Variants in RIT2 observed in about 807,000 individuals in gnomAD.
The protein encoded by RIT2 is Ras like without CAAX 2, also known as GTP-binding protein Rit2.
RIT2 carries 24 observed loss-of-function variants against 23.7 expected under a neutral mutation model. The ratio of observed to expected loss-of-function variants is 1.01; its 90% CI spans 0.73 to 1.43. The LOEUF (loss-of-function observed/expected upper bound fraction) is 1.43, where lower values mean the gene tolerates loss of function less well. Among genes scored for constraint, RIT2 ranks in the 40% most tolerant of loss-of-function variants. RIT2 has a pLI of 0.00. For synonymous variants in RIT2, 107 were observed against 91.1 expected, an observed-to-expected ratio of 1.17 and a Z score of -0.99; for missense variants, 236 against 266.9, an observed-to-expected ratio of 0.88 and a Z score of 0.81.
At chr18:42,821,908 T>A (rs1906163027) in intron 4 of RIT2, among the ~76,000 whole-genome samples, 1 of 152,168 alleles carries the variant, frequency 6.6e-6, no homozygotes, top group Non-Finnish European at 1.5e-5. Flanking sequence ...GAAGTTCATG[T>A]AAAGTAGAAA....
At chr18:42,768,610 C>T (rs1390949255) in intron 4 of RIT2, among the ~76,000 whole-genome samples, 2 of 151,890 alleles carry the variant, frequency 1.3e-5, no homozygotes, top group Admixed American at 1.3e-4. Flanking sequence ...TTTATTGTTC[C>T]TTTAATATTA....
At chr18:42,795,428 C>T (rs913362783) in intron 4 of RIT2, among the ~76,000 whole-genome samples, 3 of 152,228 alleles carry the variant, frequency 2.0e-5, no homozygotes, top group East Asian at 1.9e-4. Context: ...AGCCCACTGG[C>T]GCTGCTCTCG....
intron 4 of RIT2, among the ~76,000 whole-genome samples, chr18:42,794,213 C>T (rs1330781221): frequency 2.6e-5 from 4 of 152,110 alleles, no homozygotes; most frequent in African/African-American, 9.7e-5. Context: ...CACACGTTGC[C>T]TAGCAGACAC....
intron 4 of RIT2, among the ~76,000 whole-genome samples, chr18:42,908,771 C>T (rs151034046): frequency 6.6e-4 from 100 of 152,130 alleles, no homozygotes; most frequent in Admixed American, 1.8e-3. Flanking sequence ...TAAAGAGTAA[C>T]CATAGGACTG....
intron 4 of RIT2, among the ~76,000 whole-genome samples, chr18:42,830,270 G>A (rs548004251): frequency 6.6e-6 from 1 of 152,294 alleles, no homozygotes; most frequent in East Asian, 1.9e-4. Context: ...CAGTTTCTGG[G>A]TTACAAAAGC....
chr18:42,945,356 T>A (rs1468214936), intron 3 of RIT2, among the ~76,000 whole-genome samples: 3 of 151,984 alleles, frequency 2.0e-5, no homozygotes, highest in Non-Finnish European at 4.4e-5. Context: ...TTTTTTTTTT[T>A]AATTCTTTAT....
intron 4 of RIT2, among the ~76,000 whole-genome samples, chr18:42,867,533 C>A (rs1451838971): frequency 6.6e-6 from 1 of 151,996 alleles, no homozygotes; most frequent in Non-Finnish European, 1.5e-5. Context: ...AGGCTCATGC[C>A]TGTAATCCCA....
At chr18:42,928,416 C>T (rs918412051) in intron 3 of RIT2, among the ~76,000 whole-genome samples, 1 of 152,024 alleles carries the variant, frequency 6.6e-6, no homozygotes, top group Non-Finnish European at 1.5e-5. Context: ...AGCTCCTCAA[C>T]TTTCAGGTAA....
At chr18:42,796,088 T>C (rs1359753737) in intron 4 of RIT2, among the ~76,000 whole-genome samples, 1 of 152,074 alleles carries the variant, frequency 6.6e-6, no homozygotes, top group Non-Finnish European at 1.5e-5. Context: ...TCTTCCACAC[T>C]GTGGAAGCTT....
At chr18:42,804,494 GC>G (rs1470864154) in intron 4 of RIT2, among the ~76,000 whole-genome samples, 1 of 147,422 alleles carries the variant, frequency 6.8e-6, no homozygotes, top group Non-Finnish European at 1.5e-5. Flanking sequence ...GGCGGAGATT[GC>G]AGTGAGCTGA....
chr18:43,006,843 A>G (rs2144249081), intron 2 of RIT2, among the ~76,000 whole-genome samples: 1 of 151,540 alleles, frequency 6.6e-6, no homozygotes, highest in East Asian at 2.0e-4. Context: ...TTAAAATTAC[A>G]TTTTAAAAAG....
chr18:42,997,427 C>CA (rs1911010489), intron 2 of RIT2, among the ~76,000 whole-genome samples: 1 of 147,022 alleles, frequency 6.8e-6, no homozygotes, highest in African/African-American at 2.5e-5. Flanking sequence ...AGAAAAAAAA[C>CA]AAAAAAAAGG....
chr18:42,769,787 C>A (rs1913505420), intron 4 of RIT2, among the ~76,000 whole-genome samples: 1 of 150,494 alleles, frequency 6.6e-6, no homozygotes, highest in South Asian at 2.1e-4. Context: ...CAAGATATAC[C>A]ACCATACATA....
chr18:42,785,448 CT>C (rs11292332), intron 4 of RIT2, among the ~76,000 whole-genome samples: 48,319 of 145,862 alleles, frequency 0.33, 10,324 homozygotes, highest in African/African-American at 0.61. Context: ...CTTGGCCTCT[CT>C]TTTTTTTTTT....
At chr18:42,773,464 G>A (rs1205515504) in intron 4 of RIT2, among the ~76,000 whole-genome samples, 2 of 152,156 alleles carry the variant, frequency 1.3e-5, no homozygotes, top group Admixed American at 6.5e-5. Context: ...TGGTCGACTA[G>A]GTTTTTAACA....
intron 4 of RIT2, among the ~76,000 whole-genome samples, chr18:42,837,228 C>T (rs1336847438): frequency 3.5e-5 from 4 of 113,514 alleles, no homozygotes; most frequent in Non-Finnish European, 6.6e-5. Context: ...AGTGCAGTGG[C>T]GTGATCTCAG....
intron 4 of RIT2, among the ~76,000 whole-genome samples, chr18:42,909,131 C>A (rs1908701071): frequency 6.6e-6 from 1 of 152,120 alleles, no homozygotes; most frequent in Non-Finnish European, 1.5e-5. Context: ...CCATGGTATA[C>A]TACTCAGCCA....
chr18:43,111,101 G>A (rs943499966), intron 1 of RIT2, among the ~76,000 whole-genome samples: 2 of 152,146 alleles, frequency 1.3e-5, no homozygotes, highest in East Asian at 1.9e-4. Context: ...TATACACAAT[G>A]GAATACTATT....
At chr18:42,847,322 G>T (rs1364062870) in intron 4 of RIT2, among the ~76,000 whole-genome samples, 1 of 152,082 alleles carries the variant, frequency 6.6e-6, no homozygotes, top group African/African-American at 2.4e-5. Flanking sequence ...TTCATGTCCT[G>T]GGGCTCTACT....
Sources: allele counts gnomAD v4.1 joint callset (sites outside exome capture counted in the v4.1 genomes callset), GRCh38; gene constraint gnomAD v4.1.1; transcripts MANE v1.5; gene names NCBI Gene and HGNC (gene_info 2026-07-23, HGNC 2026-07-21).